DPH6: variants seen among roughly 807,000 people sequenced by gnomAD.
DPH6 encodes diphthamine biosynthesis 6.
DPH6 carries 33 observed loss-of-function variants against 38.2 expected under a neutral mutation model. That is an observed-to-expected ratio of 0.86 (90% CI 0.65 to 1.15). The LOEUF (loss-of-function observed/expected upper bound fraction) is 1.15, where lower values mean the gene tolerates loss of function less well. DPH6 is among the 50% of genes most tolerant of loss of function. The pLI is 0.00. For synonymous variants in DPH6, 108 were observed against 103.0 expected (o/e 1.05, Z -0.30); for missense variants, 325 against 320.0 (o/e 1.02, Z -0.12).
chr15:35,221,404 ACT>A (rs769339023), intron 3 of DPH6, among the ~76,000 whole-genome samples: 1 of 151,976 alleles, frequency 6.6e-6, no homozygotes, highest in Non-Finnish European at 1.5e-5. Context: ...CCTGGTGGGA[ACT>A]CTCTGCAGTG....
chr15:35,343,806 A>G (rs112680713), intron 3 of DPH6, among the ~76,000 whole-genome samples: 27 of 152,152 alleles, frequency 1.8e-4, no homozygotes, highest in Middle Eastern at 3.4e-3. Flanking sequence ...AACTGTAAAA[A>G]TATGCCAAAC....
At chr15:35,524,549 T>G (rs1255906758) in intron 3 of DPH6, among the ~76,000 whole-genome samples, 1 of 152,180 alleles carries the variant, frequency 6.6e-6, no homozygotes. Context: ...CAAATGCAAT[T>G]CTGGGAGGCA....
At chr15:35,395,742 C>T (rs1232532364) in intron 6 of DPH6, among the ~76,000 whole-genome samples, 1 of 152,126 alleles carries the variant, frequency 6.6e-6, no homozygotes, top group Non-Finnish European at 1.5e-5. Context: ...TTGACTTTAC[C>T]TAGTTAAATT....
chr15:35,538,325 T>G lies in DPH6; in HGVS notation c.261A>C (p.Lys87Asn), dbSNP rs2055202434. 1 of 1,604,290 alleles carries G rather than the reference T, an allele frequency of 6.2e-7. No individual in the cohort carries two copies. Among genetic ancestry groups the G allele is most frequent in the Non-Finnish European group, 8.5e-7 (1 of 1,172,542 alleles). The change falls in exon 3 of 9, where the codon AAA becomes AAC. Residue 87 changes from lysine (K) to asparagine (N), a missense_variant. By Grantham distance (94) the Lys-to-Asn change is moderately conservative. Coordinates refer to ENST00000256538, the MANE Select transcript of DPH6 (RefSeq NM_080650.4). Reference sequence around the variant, plus strand: ...GATCTTCAACCTCATCACCTTCACATTTGGTGTACACTTGTCTTGTATCCA... The same window carrying G: ...GATCTTCAACCTCATCACCTTCACAGTTGGTGTACACTTGTCTTGTATCCA... The part of the protein sequence containing the change: ...RSLDTRQVYT[K>N]CEGDEVEDLY...
chr15:35,414,752 C>T (rs1427445049), intron 5 of DPH6, among the ~76,000 whole-genome samples: 1 of 151,144 alleles, frequency 6.6e-6, no homozygotes, highest in Non-Finnish European at 1.5e-5. Flanking sequence ...TTCTGCTGCA[C>T]TCATTCTCTC....
intron 3 of DPH6, among the ~76,000 whole-genome samples, chr15:35,357,694 G>A (rs1341794925): frequency 6.6e-6 from 1 of 152,154 alleles, no homozygotes; most frequent in Non-Finnish European, 1.5e-5. Flanking sequence ...TGTTTGAGGA[G>A]ACCGAAGATA....
chr15:35,529,567 A>G (rs999662482), intron 3 of DPH6, among the ~76,000 whole-genome samples: 5 of 151,854 alleles, frequency 3.3e-5, no homozygotes, highest in African/African-American at 1.2e-4. Flanking sequence ...CACCCTCTGA[A>G]CTCCCATAAC....
intron 3 of DPH6, among the ~76,000 whole-genome samples, chr15:35,331,593 ATG>A (rs1479172945): frequency 6.6e-6 from 1 of 152,116 alleles, no homozygotes; most frequent in East Asian, 1.9e-4. Flanking sequence ...TTGAACTTGG[ATG>A]TTGGTAATTT....
chr15:35,232,433 A>G lies in DPH6; in HGVS notation n.201-11851T>C, dbSNP rs149329329. The stretch of plus-strand genomic sequence containing the variant: ...TGTCTCCACTAAAAATACAAAATAT[A>G]AGCCGGGTGTGATGGTGGGTGCCTG... On this transcript the variant is annotated intron_variant and non_coding_transcript_variant, in intron 3 of 3. Transcript: ENST00000560386. 5.3e-5 allele frequency among the ~76,000 whole-genome samples: 8 copies of G among 152,050 alleles called. No individual in the cohort carries two copies. In the East Asian group the frequency reaches 1.5e-3, roughly 29 times the overall value.
intron 3 of DPH6, among the ~76,000 whole-genome samples, chr15:35,480,786 T>A (rs766917934): frequency 5.9e-5 from 9 of 152,106 alleles, no homozygotes; most frequent in Non-Finnish European, 8.8e-5. Context: ...CTTTCTCATA[T>A]AAACTTATTT....
intron 3 of DPH6, among the ~76,000 whole-genome samples, chr15:35,531,080 A>T (rs1336705838): frequency 6.6e-6 from 1 of 152,150 alleles, no homozygotes; most frequent in African/African-American, 2.4e-5. Flanking sequence ...TCCTCCCTGA[A>T]AATCTTAAGT....
In DPH6 at chr15:35,529,820, C is replaced by T. The variant is rs180808159; in HGVS notation, c.312+8454G>A. On this transcript the variant is annotated intron_variant, in intron 3 of 8. Coordinates refer to ENST00000256538, the MANE Select transcript of DPH6 (RefSeq NM_080650.4). The stretch of plus-strand genomic sequence containing the variant: ...GTCAAGGTCAACTAAGACATTTATT[C>T]AACTCCTCTTTATTCACTCAATATT... Among the ~76,000 whole-genome samples, 325 of 151,894 alleles carry T rather than the reference C, an allele frequency of 2.1e-3. 2 individuals carry two copies. The highest frequency in any genetic ancestry group is 7.6e-3 in the African/African-American group (315 of 41,290).
chr15:35,196,520 C>T, the DPH6 span, among the ~76,000 whole-genome samples: 839 of 152,204 alleles, frequency 5.5e-3, 2 homozygotes, highest in Middle Eastern at 0.017. Context: ...ATGACAAAGG[C>T]TTGAGCGTAA....
intron 6 of DPH6, 35 bp downstream of exon 6, chr15:35,410,800 A>T: frequency 1.3e-6 from 2 of 1,550,586 alleles, no homozygotes; most frequent in East Asian, 2.4e-5. Flanking sequence ...TCTCCTTTAG[A>T]TGGCTACATT....
chr15:35,332,757 C>T (rs1051303708), intron 3 of DPH6, among the ~76,000 whole-genome samples: 5 of 151,812 alleles, frequency 3.3e-5, no homozygotes, highest in Middle Eastern at 3.4e-3. Flanking sequence ...CTGTTAGTGA[C>T]GATAATTAGT....
At chr15:35,274,825 A>C (rs1272518278) in intron 3 of DPH6, among the ~76,000 whole-genome samples, 3 of 152,214 alleles carry the variant, frequency 2.0e-5, no homozygotes, top group Non-Finnish European at 2.9e-5. Flanking sequence ...GTTGTGGATG[A>C]CAGTGCGGCG....
chr15:35,498,447 C>T (rs117376638), intron 3 of DPH6, among the ~76,000 whole-genome samples: 3,075 of 152,070 alleles, frequency 0.02, 44 homozygotes, highest in South Asian at 0.071. Context: ...CCATAAAAAA[C>T]AGATTTTTGC....
chr15:35,263,546 G>A (rs2051763027), intron 3 of DPH6, among the ~76,000 whole-genome samples: 1 of 151,488 alleles, frequency 6.6e-6, no homozygotes, highest in Admixed American at 6.6e-5. Context: ...GGGGCTACAG[G>A]CATCCACCAC....
chr15:35,409,766 C>CA (rs1219219590), intron 6 of DPH6, among the ~76,000 whole-genome samples: 1 of 151,790 alleles, frequency 6.6e-6, no homozygotes, highest in Non-Finnish European at 1.5e-5. Flanking sequence ...GCATAGAAAG[C>CA]AACCATGTTC....
Sources: allele counts gnomAD v4.1 joint callset (sites outside exome capture counted in the v4.1 genomes callset), GRCh38; gene constraint gnomAD v4.1.1; transcripts MANE v1.5; gene names NCBI Gene and HGNC (gene_info 2026-07-23, HGNC 2026-07-21).